Variants in PTPRD observed in about 807,000 individuals in gnomAD.
PTPRD encodes protein tyrosine phosphatase receptor type D, also known as receptor-type tyrosine-protein phosphatase delta.
In PTPRD, 34 loss-of-function variants were observed where a neutral mutation model predicts 214.5. The ratio of observed to expected loss-of-function variants is 0.16; its 90% CI spans 0.12 to 0.21. PTPRD has a LOEUF of 0.21. PTPRD is among the 10% of genes least tolerant of loss of function. PTPRD has a pLI of 1.00. For synonymous variants in PTPRD, 1,128 were observed against 845.7 expected (o/e 1.33, Z -5.79); for missense variants, 2,545 against 2,398.7 (o/e 1.06, Z -1.27).
chr9:9,391,019 ATTAAG>A (rs763090468), intron 9 of PTPRD, among the ~76,000 whole-genome samples: 1 of 152,176 alleles, frequency 6.6e-6, no homozygotes, highest in Non-Finnish European at 1.5e-5. Flanking sequence ...GAGATGCATT[ATTAAG>A]TTGAGCTTTG....
At chr9:9,699,158 A>G (rs1267903282) in intron 7 of PTPRD, among the ~76,000 whole-genome samples, 1 of 152,194 alleles carries the variant, frequency 6.6e-6, no homozygotes, top group Non-Finnish European at 1.5e-5. Context: ...TGTGGTTATC[A>G]TGGTAACAAT....
intron 2 of PTPRD, among the ~76,000 whole-genome samples, chr9:10,603,102 A>G (rs2382220): frequency 0.45 from 67,824 of 151,640 alleles, 15,295 homozygotes; most frequent in Middle Eastern, 0.54. Context: ...TGTAGAGGTT[A>G]GAGTGGTAGG....
intron 9 of PTPRD, among the ~76,000 whole-genome samples, chr9:9,210,433 T>C (rs1006216948): frequency 1.3e-5 from 2 of 152,230 alleles, no homozygotes; most frequent in Non-Finnish European, 2.9e-5. Flanking sequence ...TTTCTTAATT[T>C]GCCATGAAAC....
chr9:8,972,890 T>G (rs2099246945), intron 11 of PTPRD, among the ~76,000 whole-genome samples: 2 of 151,968 alleles, frequency 1.3e-5, no homozygotes, highest in South Asian at 2.1e-4. Context: ...CCTATTCTAG[T>G]TAACTTGTTT....
At chr9:9,316,094 C>G (rs559152370) in intron 9 of PTPRD, among the ~76,000 whole-genome samples, 2 of 151,820 alleles carry the variant, frequency 1.3e-5, no homozygotes, top group South Asian at 2.1e-4. Context: ...TATTGACAGT[C>G]AATTAGGATG....
intron 14 of PTPRD, among the ~76,000 whole-genome samples, chr9:8,534,353 T>C (rs1452098608): frequency 6.6e-6 from 1 of 151,888 alleles, no homozygotes; most frequent in South Asian, 2.1e-4. Flanking sequence ...ATTCTTGGTG[T>C]TGAAACTAAT....
intron 9 of PTPRD, among the ~76,000 whole-genome samples, chr9:9,194,554 C>CT (rs2099937122): frequency 6.6e-6 from 1 of 152,206 alleles, no homozygotes; most frequent in Admixed American, 6.5e-5. Flanking sequence ...CATGGGACCA[C>CT]TGTCATGTAC....
intron 3 of PTPRD, among the ~76,000 whole-genome samples, chr9:10,248,533 A>AAAAAAAAAAAAAAAAC (rs60272481): frequency 2.4e-5 from 3 of 127,442 alleles, no homozygotes; most frequent in African/African-American, 6.6e-5. Flanking sequence ...AAAATAAAAA[A>AAAAAAAAAAAAAAAAC]AATAAAGCGA....
intron 2 of PTPRD, among the ~76,000 whole-genome samples, chr9:10,346,628 T>C (rs2097088840): frequency 6.6e-6 from 1 of 152,234 alleles, no homozygotes; most frequent in Non-Finnish European, 1.5e-5. Context: ...ATTATCTTTT[T>C]CCATTCTAAG....
chr9:8,395,675 T>C (rs2090942063), intron 36 of PTPRD, among the ~76,000 whole-genome samples: 1 of 151,940 alleles, frequency 6.6e-6, no homozygotes, highest in Non-Finnish European at 1.5e-5. Flanking sequence ...GCATCGTAGC[T>C]CAACCCCACA....
chr9:9,932,148 G>T (rs2086908323), intron 5 of PTPRD, among the ~76,000 whole-genome samples: 1 of 148,416 alleles, frequency 6.7e-6, no homozygotes, highest in East Asian at 1.9e-4. Context: ...AGAAAAACTG[G>T]AAACTCTAAA....
intron 11 of PTPRD, among the ~76,000 whole-genome samples, chr9:8,987,263 G>A (rs1229641822): frequency 2.0e-5 from 3 of 152,138 alleles, no homozygotes; most frequent in Non-Finnish European, 2.9e-5. Flanking sequence ...AAAGGTATGT[G>A]TGAGTGTGTG....
At chr9:10,512,025 T>G (rs1421074187) in intron 2 of PTPRD, among the ~76,000 whole-genome samples, 1 of 57,056 alleles carries the variant, frequency 1.8e-5, no homozygotes, top group Admixed American at 2.2e-4. Flanking sequence ...TGTGTATATA[T>G]ATATGTATAT....
At chr9:9,990,907 A>C (rs2095890834) in intron 4 of PTPRD, among the ~76,000 whole-genome samples, 1 of 151,692 alleles carries the variant, frequency 6.6e-6, no homozygotes, top group Admixed American at 6.6e-5. Flanking sequence ...TCAAAATGTA[A>C]AATCTTCTAG....
chr9:8,755,541 A>C (rs1464440629), intron 11 of PTPRD, among the ~76,000 whole-genome samples: 1 of 152,132 alleles, frequency 6.6e-6, no homozygotes, highest in Admixed American at 6.5e-5. Context: ...AAAAAAAAAA[A>C]AAAACAGCAG....
chr9:8,743,123 G>GA (rs2092305226), intron 11 of PTPRD, among the ~76,000 whole-genome samples: 1 of 145,772 alleles, frequency 6.9e-6, no homozygotes, highest in South Asian at 2.4e-4. Context: ...AAGGGGGGGG[G>GA]GACTTTTAAG....
At chr9:9,933,154 A>G (rs2087474952) in intron 5 of PTPRD, among the ~76,000 whole-genome samples, 1 of 152,252 alleles carries the variant, frequency 6.6e-6, no homozygotes, top group Non-Finnish European at 1.5e-5. Flanking sequence ...CGAGACTAGG[A>G]AGTAACTGCA....
At chr9:9,031,015 G>C (rs1298582581) in intron 10 of PTPRD, among the ~76,000 whole-genome samples, 1 of 151,862 alleles carries the variant, frequency 6.6e-6, no homozygotes, top group East Asian at 1.9e-4. Context: ...GGACATCAAG[G>C]AGTGAACGTA....
chr9:8,334,183 A>AC lies in PTPRD; in HGVS notation c.5380-2448dup, dbSNP rs1329898506. ...TTGAAGTCAGCTCTGGACTAAGCAG[A>AC]CCTAATAGACATCTACAGAACTCTC... On this transcript the variant is annotated intron_variant, in intron 43 of 45. Transcript: ENST00000381196. Among the ~76,000 whole-genome samples, 9 of 152,260 alleles carry AC rather than the reference A, an allele frequency of 5.9e-5. No individual in the cohort carries two copies. In the East Asian group the frequency reaches 1.7e-3, roughly 29 times the overall value.
Sources: allele counts gnomAD v4.1 joint callset (sites outside exome capture counted in the v4.1 genomes callset), GRCh38; gene constraint gnomAD v4.1.1; transcripts MANE v1.5; gene names NCBI Gene and HGNC (gene_info 2026-07-23, HGNC 2026-07-21).